PGBD5: variants seen among roughly 807,000 people sequenced by gnomAD.
The protein encoded by PGBD5 is piggyBac transposable element-derived protein 5.
In PGBD5, 14 loss-of-function variants were observed where a neutral mutation model predicts 47.9. The ratio of observed to expected loss-of-function variants is 0.29; its 90% CI spans 0.19 to 0.46. The LOEUF is 0.46. Ranked by LOEUF, PGBD5 falls within the 20% of genes least tolerant of loss-of-function variation. The pLI is 1.00. For synonymous variants in PGBD5, 316 were observed against 306.3 expected (o/e 1.03, Z -0.33); for missense variants, 635 against 716.0 (o/e 0.89, Z 1.29).
intron 5 of PGBD5, among the ~76,000 whole-genome samples, chr1:230,329,846 G>A (rs1181295972): frequency 6.6e-6 from 1 of 152,214 alleles, no homozygotes; most frequent in Non-Finnish European, 1.5e-5. Context: ...TTATGGTAAA[G>A]AGCACAAAAT....
intron 1 of PGBD5, among the ~76,000 whole-genome samples, chr1:230,422,635 G>A (rs1040916068): frequency 3.9e-5 from 6 of 152,132 alleles, no homozygotes; most frequent in African/African-American, 7.2e-5. Context: ...AGAACCTAGG[G>A]GAGGTGAGAG....
chr1:230,390,170 T>A (rs1490429985), intron 1 of PGBD5, among the ~76,000 whole-genome samples: 1 of 152,130 alleles, frequency 6.6e-6, no homozygotes, highest in Non-Finnish European at 1.5e-5. Context: ...AAGAACTCAA[T>A]ACCCCTCGCT....
chr1:230,332,238 C>T (rs1667232438), intron 5 of PGBD5, among the ~76,000 whole-genome samples: 1 of 152,216 alleles, frequency 6.6e-6, no homozygotes, highest in African/African-American at 2.4e-5. Flanking sequence ...GAGGCTGCCC[C>T]CAAGCACAGC....
At chr1:230,352,094 C>T (rs1667568056) in intron 2 of PGBD5, among the ~76,000 whole-genome samples, 1 of 113,672 alleles carries the variant, frequency 8.8e-6, no homozygotes, top group Non-Finnish European at 1.8e-5. Flanking sequence ...CTACACGATG[C>T]CCTAGATCGG....
intron 1 of PGBD5, among the ~76,000 whole-genome samples, chr1:230,414,277 C>A (rs770258383): frequency 5.3e-5 from 8 of 152,174 alleles, no homozygotes; most frequent in Non-Finnish European, 1.2e-4. Flanking sequence ...CATCGCAATG[C>A]CTTTCTGACA....
intron 1 of PGBD5, among the ~76,000 whole-genome samples, chr1:230,370,773 C>A (rs1299052622): frequency 2.0e-5 from 3 of 152,194 alleles, no homozygotes; most frequent in Non-Finnish European, 4.4e-5. Flanking sequence ...CCCTCACAGC[C>A]TCAACGCACA....
At chr1:230,397,094 A>G (rs1440396185) in intron 1 of PGBD5, among the ~76,000 whole-genome samples, 2 of 152,208 alleles carry the variant, frequency 1.3e-5, no homozygotes, top group African/African-American at 4.8e-5. Context: ...CCCGATTCCA[A>G]GAGATGGGAA....
At chr1:230,365,784 C>A (rs535704192) in intron 1 of PGBD5, among the ~76,000 whole-genome samples, 1 of 152,342 alleles carries the variant, frequency 6.6e-6, no homozygotes, top group Non-Finnish European at 1.5e-5. Flanking sequence ...GGGGGTCCCA[C>A]CTCTATGTGG....
At chr1:230,390,543 G>C (rs754736905) in intron 1 of PGBD5, among the ~76,000 whole-genome samples, 1 of 152,104 alleles carries the variant, frequency 6.6e-6, no homozygotes, top group Non-Finnish European at 1.5e-5. Flanking sequence ...GTCTAAGGTC[G>C]GGCATCTCAC....
At chr1:230,334,256 C>A (rs1177024982) in intron 4 of PGBD5, among the ~76,000 whole-genome samples, 1 of 152,174 alleles carries the variant, frequency 6.6e-6, no homozygotes, top group African/African-American at 2.4e-5. Context: ...CCATTCCTAG[C>A]AACCGCACGT....
At chr1:230,349,148 G>A (rs1014718119) in intron 3 of PGBD5, among the ~76,000 whole-genome samples, 15 of 152,234 alleles carry the variant, frequency 9.9e-5, no homozygotes, top group African/African-American at 3.1e-4. Flanking sequence ...CCTGGTGACA[G>A]ATGTGATTTC....
chr1:230,342,329 A>C (rs1191879847), intron 3 of PGBD5, among the ~76,000 whole-genome samples: 1 of 152,202 alleles, frequency 6.6e-6, no homozygotes, highest in Non-Finnish European at 1.5e-5. Context: ...CACAGAAGAG[A>C]ATCAATTTTC....
At chr1:230,392,625 G>A (rs1003028764) in intron 1 of PGBD5, among the ~76,000 whole-genome samples, 2 of 152,158 alleles carry the variant, frequency 1.3e-5, no homozygotes, top group African/African-American at 2.4e-5. Context: ...CCTTGCAAGC[G>A]TGTCCTTCAC....
Position 230,322,873 on chromosome 1 carries a change from T to C in PGBD5, c.*552A>G, listed in dbSNP as rs1571819844. ...GGGCACCCACTCCCCATTTCACCAC[T>C]GTACACCCAGGATGTGTGTCTTCTT... On this transcript the variant is annotated 3_prime_UTR_variant, in exon 7 of 7. Coordinates refer to ENST00000391860, the MANE Select transcript of PGBD5 (RefSeq NM_001258311.2). The surrounding 1 kb of genome is among the most constrained non-coding windows in gnomAD (Gnocchi z 5.9). 1 of 153,472 alleles carries C rather than the reference T, an allele frequency of 6.5e-6. No homozygotes were observed. The highest frequency in any genetic ancestry group is 6.5e-5 in the Admixed American group (1 of 15,450). The allele number at this position is 153,472 out of a possible 1,614,324, so 9.5% of individuals were successfully genotyped here. A position where few individuals can be genotyped will look rare whatever the true frequency, so the allele number is the denominator to read the frequency against.
At chr1:230,422,773 T>C (rs578198323) in intron 1 of PGBD5, among the ~76,000 whole-genome samples, 64 of 152,224 alleles carry the variant, frequency 4.2e-4, no homozygotes, top group South Asian at 2.1e-4. Flanking sequence ...AAGAACAGCC[T>C]GAAGAATGGC....
chr1:230,330,185 T>C (rs1297758325), intron 5 of PGBD5, among the ~76,000 whole-genome samples: 2 of 152,150 alleles, frequency 1.3e-5, no homozygotes, highest in African/African-American at 2.4e-5. Context: ...GTCAGAGTGA[T>C]TGATATTTAA....
intron 1 of PGBD5, among the ~76,000 whole-genome samples, chr1:230,367,081 T>G (rs1428545682): frequency 6.6e-6 from 1 of 152,136 alleles, no homozygotes; most frequent in Non-Finnish European, 1.5e-5. Context: ...CCCAGGTAAC[T>G]TGCTAATTTC....
Position 230,323,538 on chromosome 1 carries a change from T to C in PGBD5, c.1462A>G (p.Ile488Val). ...AISIAINNAY[I>V]LYKMSDAYHV... ...TAGGCGTCTGACATTTTGTACAGGA[T>C]GTAGGCATTGTTGATGGCGATGCTG... The change falls in exon 7 of 7, where the codon ATC becomes GTC. Residue 488 changes from isoleucine (I) to valine (V), a missense_variant. Ile to Val is a conservative substitution (Grantham distance 29). Coordinates refer to ENST00000391860, the MANE Select transcript of PGBD5 (RefSeq NM_001258311.2). The surrounding 1 kb of genome is among the most constrained non-coding windows in gnomAD (Gnocchi z 4.1). The C allele has an allele frequency of 6.2e-7, 1 of 1,614,162 alleles. No individual in the cohort carries two copies. The highest frequency in any genetic ancestry group is 8.5e-7 in the Non-Finnish European group (1 of 1,180,034).
intron 1 of PGBD5, among the ~76,000 whole-genome samples, chr1:230,417,112 G>A (rs1479859770): frequency 6.6e-6 from 1 of 152,148 alleles, no homozygotes; most frequent in Non-Finnish European, 1.5e-5. Flanking sequence ...TCACAAATGA[G>A]GGGAAGGAAA....
Sources: allele counts gnomAD v4.1 joint callset (sites outside exome capture counted in the v4.1 genomes callset), GRCh38; gene constraint gnomAD v4.1.1; non-coding constraint Gnocchi (gnomAD v3.1); transcripts MANE v1.5; gene names NCBI Gene and HGNC (gene_info 2026-07-23, HGNC 2026-07-21).